The following CASZ1 variants were observed in gnomAD, a reference collection of about 807,000 sequenced individuals.
The protein encoded by CASZ1 is castor zinc finger 1, also known as zinc finger protein castor homolog 1.
CASZ1 carries 28 observed loss-of-function variants against 135.2 expected under a neutral mutation model. That is an observed-to-expected ratio of 0.21 (90% CI 0.15 to 0.28). The LOEUF (loss-of-function observed/expected upper bound fraction) is 0.28, where lower values mean the gene tolerates loss of function less well. CASZ1 is among the 10% of genes least tolerant of loss of function. The probability of loss-of-function intolerance (pLI) is 1.00; values close to 1 mark genes in which losing one functional copy is unlikely to be tolerated. For synonymous variants in CASZ1, 1,068 were observed against 1,073.4 expected (o/e 0.99, Z 0.10); for missense variants, 2,161 against 2,453.3 (o/e 0.88, Z 2.52).
rs949428128 is a variant in CASZ1 at position 10,666,573 on chromosome 1, C to T, written c.17-1002G>A. On this transcript the variant is annotated intron_variant, in intron 4 of 20. Coordinates refer to ENST00000377022, the MANE Select transcript of CASZ1 (RefSeq NM_001079843.3). The surrounding 1 kb of genome is among the most constrained non-coding windows in gnomAD (Gnocchi z 5.2). Reference sequence around the variant, plus strand: ...AGGTCCCTCACGGAACGCCCCGAAGCGCCGGTCACAGCACCTAATCCCCGA... The same window carrying T: ...AGGTCCCTCACGGAACGCCCCGAAGTGCCGGTCACAGCACCTAATCCCCGA... Among the ~76,000 whole-genome samples the T allele has an allele frequency of 2.8e-4, 43 of 152,188 alleles. No homozygotes were observed. Among genetic ancestry groups the T allele is most frequent in the African/African-American group, 9.9e-4 (41 of 41,458 alleles).
chr1:10,682,797 A>AAAGTGATCCTTCCT (rs1557502554), intron 4 of CASZ1, among the ~76,000 whole-genome samples: 2 of 152,214 alleles, frequency 1.3e-5, no homozygotes, highest in Non-Finnish European at 2.9e-5. Context: ...GAGGAGCCCC[A>AAAGTGATCCTTCCT]AAGTGATCCT....
chr1:10,745,056 G>A (rs1326839910), intron 2 of CASZ1, among the ~76,000 whole-genome samples: 2 of 152,150 alleles, frequency 1.3e-5, no homozygotes, highest in East Asian at 1.9e-4. Context: ...AGTATGACCT[G>A]GATATTTTTG....
chr1:10,784,003 A>T (rs1484748275), intron 1 of CASZ1, among the ~76,000 whole-genome samples: 1 of 151,898 alleles, frequency 6.6e-6, no homozygotes, highest in Non-Finnish European at 1.5e-5. Context: ...GATCACAAGA[A>T]CCCCAGCGAG....
intron 2 of CASZ1, among the ~76,000 whole-genome samples, chr1:10,740,507 C>T (rs538598980): frequency 6.6e-6 from 1 of 152,316 alleles, no homozygotes; most frequent in East Asian, 1.9e-4. Flanking sequence ...GAGGCAGTGT[C>T]TCCCCAGGGC....
At chr1:10,661,356 C>T (rs562507398) in intron 5 of CASZ1, 1 of 152,404 alleles carries the variant, frequency 6.6e-6, no homozygotes, top group South Asian at 2.1e-4. Context: ...CCTGGAGCCA[C>T]CTCCCCACAG....
At chr1:10,729,286 G>T (rs1639659826) in intron 2 of CASZ1, among the ~76,000 whole-genome samples, 1 of 152,194 alleles carries the variant, frequency 6.6e-6, no homozygotes, top group Non-Finnish European at 1.5e-5. Context: ...GGGCTTCCTG[G>T]GGGAGGAGGA....
At chr1:10,737,217 G>T (rs778905363) in intron 2 of CASZ1, among the ~76,000 whole-genome samples, 7 of 152,230 alleles carry the variant, frequency 4.6e-5, no homozygotes, top group Non-Finnish European at 1.0e-4. Context: ...CCCACAACCT[G>T]CTGGCTGGGC....
At chr1:10,661,001 C>G in intron 5 of CASZ1, 1 of 193,208 alleles carries the variant, frequency 5.2e-6, no homozygotes, top group South Asian at 9.3e-5. Context: ...GGAAGATGCT[C>G]TGGCCGGGGT....
In CASZ1 at chr1:10,724,504, A is replaced by G. The variant is rs1639560828; in HGVS notation, c.-76-18960T>C. Among the ~76,000 whole-genome samples the G allele has an allele frequency of 6.6e-6, 1 of 152,242 alleles. No homozygotes were observed. The highest frequency in any genetic ancestry group is 1.5e-5 in the Non-Finnish European group (1 of 68,044). On this transcript the variant is annotated intron_variant, in intron 2 of 20. Transcript: ENST00000377022. This position sits in a 1 kb window ranked among gnomAD's most constrained non-coding sequence, Gnocchi z 4.1. Reference sequence around the variant, plus strand: ...CCCCAGGCATGTCGGGAGCTAGAACAGTCCTGGTGGAGATTCCCTTGAAAT... The same window carrying G: ...CCCCAGGCATGTCGGGAGCTAGAACGGTCCTGGTGGAGATTCCCTTGAAAT...
Position 10,646,514 on chromosome 1 carries a change from GCCT to G in CASZ1, c.3498-191_3498-189del, listed in dbSNP as rs1642368090. 6.6e-6 allele frequency among the ~76,000 whole-genome samples: 1 copy of G among 152,200 alleles called. No homozygotes were observed. The highest frequency in any genetic ancestry group is 2.4e-5 in the African/African-American group (1 of 41,452). ...ACTACAGATCCCAGCATGCATTCCT[GCCT>G]CCTTTTAGGAGCTCTGCATGGTGCA... On this transcript the variant is annotated intron_variant, in intron 16 of 20. Coordinates refer to ENST00000377022, the MANE Select transcript of CASZ1 (RefSeq NM_001079843.3). The surrounding 1 kb of genome is among the most constrained non-coding windows in gnomAD (Gnocchi z 6.4).
intron 20 of CASZ1, among the ~76,000 whole-genome samples, chr1:10,641,912 A>G (rs1231093736): frequency 1.3e-5 from 2 of 152,072 alleles, no homozygotes; most frequent in African/African-American, 4.8e-5. Flanking sequence ...AGGGGTGCAG[A>G]GTGGCCCCGT....
chr1:10,645,735 T>C (rs1212119464), intron 17 of CASZ1, among the ~76,000 whole-genome samples: 1 of 152,216 alleles, frequency 6.6e-6, no homozygotes, highest in Non-Finnish European at 1.5e-5. Context: ...CTCCTGGTCT[T>C]GGGAGTCAGG....
chr1:10,697,380 G>A lies in CASZ1; in HGVS notation c.-23-3468C>T, dbSNP rs959357004. On this transcript the variant is annotated intron_variant, in intron 3 of 20. Coordinates refer to ENST00000377022, the MANE Select transcript of CASZ1 (RefSeq NM_001079843.3). The surrounding 1 kb of genome is among the most constrained non-coding windows in gnomAD (Gnocchi z 4.7). ...GGCCACAGTGAGGACCTTCATGCCCGGGACTCAAGGGATGGAAGTCCAATG... is the reference window on the plus strand; with the variant it reads ...GGCCACAGTGAGGACCTTCATGCCCAGGACTCAAGGGATGGAAGTCCAATG... Among the ~76,000 whole-genome samples the A allele has an allele frequency of 2.6e-5, 4 of 152,168 alleles. No individual in the cohort carries two copies. The highest frequency in any genetic ancestry group is 2.1e-4 in the South Asian group (1 of 4,814).
Position 10,759,388 on chromosome 1 carries a change from C to T in CASZ1, c.-77+1313G>A, listed in dbSNP as rs149409141. On this transcript the variant is annotated intron_variant, in intron 2 of 20. Transcript: ENST00000377022. The surrounding 1 kb of genome is among the most constrained non-coding windows in gnomAD (Gnocchi z 4.2). ...TTCCAGGTGACAGTCTAAACAGCCCCGGTGCTATCCAGGGGACAACGGCAG... is the reference window on the plus strand; with the variant it reads ...TTCCAGGTGACAGTCTAAACAGCCCTGGTGCTATCCAGGGGACAACGGCAG... 5.3e-5 allele frequency among the ~76,000 whole-genome samples: 8 copies of T among 152,302 alleles called. No homozygotes were observed. The highest frequency in any genetic ancestry group is 9.6e-5 in the African/African-American group (4 of 41,550).
chr1:10,744,713 G>A (rs868146617), intron 2 of CASZ1, among the ~76,000 whole-genome samples: 5 of 126,468 alleles, frequency 4.0e-5, no homozygotes, highest in Admixed American at 1.5e-4. Context: ...TGGGCACCAC[G>A]AGCAGGCATG....
rs763416135 is a variant in CASZ1 at position 10,648,076 on chromosome 1, C to T, written c.3222G>A (p.Ser1074=). Residue 1074 remains serine, a synonymous_variant, in exon 16 of 21, where the codon TCG becomes TCA. Transcript: ENST00000377022. ...KGNTEAAFPA[S]AAETKPPMAP... ...CCATGGGAGGTTTGGTCTCGGCGGC[C>T]GAGGCCGGAAAGGCAGCCTCTGTGT... 8 of 1,585,486 alleles carry T rather than the reference C, an allele frequency of 5.0e-6. No homozygotes were observed. The highest frequency in any genetic ancestry group is 4.6e-5 in the South Asian group (4 of 87,800).
chr1:10,676,476 A>C lies in CASZ1; in HGVS notation c.17-10905T>G, dbSNP rs1372718774. Among the ~76,000 whole-genome samples the C allele has an allele frequency of 1.3e-5, 2 of 152,136 alleles. No individual in the cohort carries two copies. The highest frequency in any genetic ancestry group is 2.9e-5 in the Non-Finnish European group (2 of 68,012). ...CAGGCTCTTCCCACCAGGACAAAGAAGACACCAAGAGCCCCCGGGGAGGCC... is the reference window on the plus strand; with the variant it reads ...CAGGCTCTTCCCACCAGGACAAAGACGACACCAAGAGCCCCCGGGGAGGCC... On this transcript the variant is annotated intron_variant, in intron 4 of 20. Coordinates refer to ENST00000377022, the MANE Select transcript of CASZ1 (RefSeq NM_001079843.3). This position sits in a 1 kb window ranked among gnomAD's most constrained non-coding sequence, Gnocchi z 4.5.
chr1:10,786,001 C>T (rs1407885677), intron 1 of CASZ1, among the ~76,000 whole-genome samples: 1 of 152,238 alleles, frequency 6.6e-6, no homozygotes, highest in African/African-American at 2.4e-5. Flanking sequence ...ACACAATTCG[C>T]CTTCAGCTCA....
At chr1:10,663,970 T>C (rs1643140629) in intron 5 of CASZ1, among the ~76,000 whole-genome samples, 1 of 152,048 alleles carries the variant, frequency 6.6e-6, no homozygotes, top group Non-Finnish European at 1.5e-5. Context: ...CGCGTTCCTC[T>C]CCTCTCCTCT....
Sources: gnomAD v4.1 joint callset for allele counts (sites outside exome capture counted in the v4.1 genomes callset) on GRCh38, gnomAD v4.1.1 for gene constraint, Gnocchi (gnomAD v3.1) non-coding constraint, MANE v1.5 for transcripts, NCBI Gene and HGNC (gene_info 2026-07-23, HGNC 2026-07-21) for gene names.